Variants in GRIN2A observed in about 807,000 individuals in gnomAD.
GRIN2A encodes the protein glutamate ionotropic receptor NMDA type subunit 2A.
Under a neutral mutation model 113.4 loss-of-function variants are expected in GRIN2A, and 22 were observed. The observed-to-expected ratio is 0.19, with a 90% CI of 0.14 to 0.28. The LOEUF (loss-of-function observed/expected upper bound fraction) is 0.28. Among genes scored for constraint, GRIN2A ranks in the 10% least tolerant of loss-of-function variants. The pLI is 1.00. For synonymous variants in GRIN2A, 827 were observed against 738.4 expected, an observed-to-expected ratio of 1.12 and a Z score of -1.94; for missense variants, 1,502 against 1,887.0, an observed-to-expected ratio of 0.80 and a Z score of 3.78.
intron 2 of GRIN2A, among the ~76,000 whole-genome samples, chr16:10,130,180 T>C (rs1004545449): frequency 2.0e-5 from 3 of 152,164 alleles, no homozygotes; most frequent in Non-Finnish European, 2.9e-5. Flanking sequence ...TGGGAAATGA[T>C]AGAGGCAGAC....
intron 2 of GRIN2A, among the ~76,000 whole-genome samples, chr16:10,048,648 T>C (rs1467941182): frequency 6.6e-6 from 1 of 152,216 alleles, no homozygotes; most frequent in East Asian, 1.9e-4. Context: ...AACACTAACA[T>C]AGCCCAGGTC....
At chr16:10,058,582 G>C (rs2047496139) in intron 2 of GRIN2A, among the ~76,000 whole-genome samples, 1 of 152,152 alleles carries the variant, frequency 6.6e-6, no homozygotes, top group African/African-American at 2.4e-5. Flanking sequence ...GTGATTTCTT[G>C]CTACAATTCA....
chr16:9,789,033 C>A (rs920856728), intron 11 of GRIN2A, among the ~76,000 whole-genome samples: 2 of 152,208 alleles, frequency 1.3e-5, no homozygotes, highest in African/African-American at 4.8e-5. Flanking sequence ...TGAGCCACTG[C>A]ACCCAGCCTT....
At chr16:9,781,951 TAAA>T (rs1327116211) in intron 11 of GRIN2A, among the ~76,000 whole-genome samples, 1 of 152,202 alleles carries the variant, frequency 6.6e-6, no homozygotes, top group Non-Finnish European at 1.5e-5. Context: ...TAAGAATGCT[TAAA>T]ATGTAATAAT....
chr16:9,995,559 C>A (rs541448621), intron 2 of GRIN2A, among the ~76,000 whole-genome samples: 71 of 152,160 alleles, frequency 4.7e-4, no homozygotes, highest in African/African-American at 1.7e-3. Flanking sequence ...TACAAGTGAG[C>A]AAAGGAAGGA....
chr16:9,828,727 G>C (rs987453769), intron 9 of GRIN2A, among the ~76,000 whole-genome samples: 3 of 152,124 alleles, frequency 2.0e-5, no homozygotes, highest in African/African-American at 7.2e-5. Flanking sequence ...CATTTCACTG[G>C]AGAATGAGAG....
In GRIN2A at chr16:9,765,550, C is replaced by T. The variant is rs1207024768; in HGVS notation, c.2596-602G>A. ...TGAAATTCATGTGAGGCTCATCATACTCTTTGAGGGGGGGATAGATGTGGA... is the reference window on the plus strand; with the variant it reads ...TGAAATTCATGTGAGGCTCATCATATTCTTTGAGGGGGGGATAGATGTGGA... On this transcript the variant is annotated intron_variant, in intron 12 of 12. Transcript: ENST00000330684. 2.6e-5 allele frequency among the ~76,000 whole-genome samples: 4 copies of T among 152,250 alleles called. No individual in the cohort carries two copies. The East Asian group carries it at 7.7e-4, about 29-fold the overall frequency.
chr16:9,867,609 A>G (rs775239709), intron 4 of GRIN2A, among the ~76,000 whole-genome samples: 2 of 152,200 alleles, frequency 1.3e-5, no homozygotes, highest in Non-Finnish European at 2.9e-5. Context: ...CACTAAATCC[A>G]ACAGGTGCAC....
At chr16:10,105,095 G>T (rs934414481) in intron 2 of GRIN2A, among the ~76,000 whole-genome samples, 2 of 152,144 alleles carry the variant, frequency 1.3e-5, no homozygotes, top group African/African-American at 4.8e-5. Context: ...GGTAGCTGGG[G>T]TCTAGAAGAA....
At chr16:9,797,407 C>T (rs1596420796) in intron 11 of GRIN2A, among the ~76,000 whole-genome samples, 4 of 152,334 alleles carry the variant, frequency 2.6e-5, no homozygotes, top group African/African-American at 7.2e-5. Context: ...GCCAGGAAAC[C>T]CCGGGCTATA....
rs898948544 is a variant in GRIN2A, at chr16:9,840,578, T to A, written c.1651+69A>T. On this transcript the variant is annotated intron_variant, in intron 7 of 12. Coordinates refer to ENST00000330684, the MANE Select transcript of GRIN2A (RefSeq NM_001134407.3). ...CTAAACAAGTTCCTTTCTGGTCCCA[T>A]CCTCTGAGCAAACAAGATTTCCTAC... is the stretch of plus-strand genomic sequence containing the variant. 6.3e-6 allele frequency: 9 copies of A among 1,418,276 alleles called. No individual in the cohort carries two copies. In the African/African-American group the frequency reaches 1.1e-4, roughly 18 times the overall value. 87.9% of individuals were successfully genotyped at this position (1,418,276 alleles called of 1,614,324 possible).
At chr16:9,961,396 A>C in intron 2 of GRIN2A, among the ~76,000 whole-genome samples, 1 of 152,208 alleles carries the variant, frequency 6.6e-6, no homozygotes, top group Non-Finnish European at 1.5e-5. Context: ...TAACGAATGA[A>C]CCACAAAAGC....
intron 4 of GRIN2A, among the ~76,000 whole-genome samples, chr16:9,889,684 C>T (rs1449947446): frequency 6.6e-6 from 1 of 152,106 alleles, no homozygotes; most frequent in Non-Finnish European, 1.5e-5. Flanking sequence ...AAAGTATTTT[C>T]TAATGTCTTT....
At chr16:10,078,801 T>C (rs1325258694) in intron 2 of GRIN2A, among the ~76,000 whole-genome samples, 1 of 152,138 alleles carries the variant, frequency 6.6e-6, no homozygotes, top group African/African-American at 2.4e-5. Flanking sequence ...CCGAAGCCCA[T>C]CCATGGGGCA....
At chr16:10,055,908 C>G (rs60002783) in intron 2 of GRIN2A, among the ~76,000 whole-genome samples, 2 of 152,086 alleles carry the variant, frequency 1.3e-5, no homozygotes, top group Non-Finnish European at 2.9e-5. Context: ...TTGTCACTCC[C>G]TAAACAGCAG....
intron 11 of GRIN2A, among the ~76,000 whole-genome samples, chr16:9,770,009 G>A (rs561945532): frequency 6.6e-6 from 1 of 152,184 alleles, no homozygotes; most frequent in Non-Finnish European, 1.5e-5. Context: ...GGCAATTAAA[G>A]AACCAGGTGG....
intron 2 of GRIN2A, among the ~76,000 whole-genome samples, chr16:10,027,074 T>C (rs1488321254): frequency 6.6e-6 from 1 of 152,216 alleles, no homozygotes; most frequent in Non-Finnish European, 1.5e-5. Flanking sequence ...TTTGTTATGT[T>C]TCTGTTGGCC....
chr16:9,910,112 G>A (rs938259736), intron 3 of GRIN2A, among the ~76,000 whole-genome samples: 6 of 152,076 alleles, frequency 3.9e-5, no homozygotes, highest in African/African-American at 1.2e-4. Context: ...GTCTGTTGAT[G>A]GACATCTAGG....
intron 5 of GRIN2A, among the ~76,000 whole-genome samples, chr16:9,841,809 G>A (rs1318493067): frequency 6.6e-6 from 1 of 152,134 alleles, no homozygotes; most frequent in Non-Finnish European, 1.5e-5. Context: ...CCTTGATCAG[G>A]TAAAGACCCC....
Sources: gnomAD v4.1 joint callset for allele counts (sites outside exome capture counted in the v4.1 genomes callset) on GRCh38, gnomAD v4.1.1 for gene constraint, MANE v1.5 for transcripts, NCBI Gene and HGNC (gene_info 2026-07-23, HGNC 2026-07-21) for gene names.